The following IGF1R variants were observed in gnomAD, a reference collection of about 807,000 sequenced individuals.
IGF1R encodes insulin like growth factor 1 receptor, also known as insulin-like growth factor 1 receptor.
Under a neutral mutation model 144.6 loss-of-function variants are expected in IGF1R, and 44 were observed. The observed-to-expected ratio is 0.30, with a 90% CI of 0.24 to 0.39. The LOEUF (loss-of-function observed/expected upper bound fraction) is 0.39, where lower values mean the gene tolerates loss of function less well. Ranked by LOEUF, IGF1R falls within the 10% of genes least tolerant of loss-of-function variation. The pLI is 1.00. For synonymous variants in IGF1R, 795 were observed against 722.8 expected, an observed-to-expected ratio of 1.10 and a Z score of -1.60; for missense variants, 1,355 against 1,833.7, an observed-to-expected ratio of 0.74 and a Z score of 4.77.
intron 2 of IGF1R, among the ~76,000 whole-genome samples, chr15:98,841,901 C>G (rs2141532838): frequency 6.6e-6 from 1 of 152,324 alleles, no homozygotes; most frequent in Non-Finnish European, 1.5e-5. Flanking sequence ...AAAGGGGCTT[C>G]TACACTGTTG....
intron 1 of IGF1R, among the ~76,000 whole-genome samples, chr15:98,650,174 C>T (rs1297860753): frequency 6.6e-6 from 1 of 152,080 alleles, no homozygotes; most frequent in Non-Finnish European, 1.5e-5. Context: ...GCCCGGCCCG[C>T]GGGGTGCGAG....
chr15:98,875,349 C>CTTTTTTTTTT (rs34303390), intron 2 of IGF1R, among the ~76,000 whole-genome samples: 7 of 130,182 alleles, frequency 5.4e-5, no homozygotes, highest in African/African-American at 8.6e-5. Flanking sequence ...CTTTTCTTTT[C>CTTTTTTTTTT]TTTTTTTTTT....
intron 10 of IGF1R, among the ~76,000 whole-genome samples, chr15:98,921,500 G>A (rs2015484754): frequency 6.6e-6 from 1 of 152,158 alleles, no homozygotes; most frequent in African/African-American, 2.4e-5. Flanking sequence ...CTGCTGAGTG[G>A]GAGGAAGCCT....
chr15:98,928,183 G>A (rs558797386), intron 13 of IGF1R, among the ~76,000 whole-genome samples: 4 of 152,174 alleles, frequency 2.6e-5, no homozygotes, highest in African/African-American at 7.2e-5. Context: ...CAGGTCACTC[G>A]CCTTGGGGGG....
intron 2 of IGF1R, among the ~76,000 whole-genome samples, chr15:98,882,407 CTTTG>C: frequency 6.6e-6 from 1 of 152,340 alleles, no homozygotes; most frequent in East Asian, 1.9e-4. Context: ...CTCCCTTGGA[CTTTG>C]TTTGAAGAGT....
chr15:98,911,290 C>T (rs1385895043), intron 6 of IGF1R, 25 bp from the exon 7 acceptor site: 2 of 1,614,048 alleles, frequency 1.2e-6, no homozygotes, highest in Admixed American at 1.7e-5. Flanking sequence ...ATCTCTGTCA[C>T]TCACGGATGT....
chr15:98,814,705 C>CT (rs1158065798), intron 2 of IGF1R, among the ~76,000 whole-genome samples: 1 of 152,100 alleles, frequency 6.6e-6, no homozygotes, highest in Non-Finnish European at 1.5e-5. Context: ...TTTCAGAGAG[C>CT]TTATTAGTGT....
chr15:98,910,044 G>A (rs3825956), intron 6 of IGF1R, among the ~76,000 whole-genome samples: 47,308 of 151,878 alleles, frequency 0.31, 8,246 homozygotes, highest in African/African-American at 0.45. Context: ...ACACATGCAG[G>A]GAGGCAAATC....
intron 2 of IGF1R, among the ~76,000 whole-genome samples, chr15:98,845,644 G>C (rs1305181962): frequency 2.7e-5 from 4 of 149,918 alleles, no homozygotes. Flanking sequence ...GCGGCACTTT[G>C]TTTGCAGTTG....
intron 13 of IGF1R, among the ~76,000 whole-genome samples, chr15:98,928,084 A>C (rs2015792927): frequency 1.3e-5 from 2 of 151,972 alleles, no homozygotes; most frequent in South Asian, 4.1e-4. Flanking sequence ...CCCCTTTTTC[A>C]TTCCAACCCA....
intron 1 of IGF1R, among the ~76,000 whole-genome samples, chr15:98,662,795 C>T: frequency 6.6e-6 from 1 of 152,160 alleles, no homozygotes; most frequent in South Asian, 2.1e-4. Flanking sequence ...TCCAAGGAGG[C>T]AGCTCCCCAG....
At chr15:98,877,080 A>G (rs1362639474) in intron 2 of IGF1R, among the ~76,000 whole-genome samples, 3 of 152,224 alleles carry the variant, frequency 2.0e-5, no homozygotes, top group Non-Finnish European at 2.9e-5. Context: ...CTGGAAAGAT[A>G]AGAAATAAAC....
intron 2 of IGF1R, among the ~76,000 whole-genome samples, chr15:98,736,278 C>G (rs2054606407): frequency 6.6e-6 from 1 of 152,172 alleles, no homozygotes; most frequent in Non-Finnish European, 1.5e-5. Flanking sequence ...TGCATCTCAG[C>G]AAGAAAGGTT....
In IGF1R at chr15:98,923,868, T is replaced by C; in HGVS notation, c.2486-8T>C. 6.2e-7 allele frequency: 1 copy of C among 1,613,494 alleles called. No individual in the cohort carries two copies. Among genetic ancestry groups the C allele is most frequent in the Non-Finnish European group, 8.5e-7 (1 of 1,179,468 alleles). On this transcript the variant is annotated splice_region_variant and splice_polypyrimidine_tract_variant and intron_variant, in intron 11 of 20. Transcript: ENST00000650285. ...AATCCAACTTTGTCACCTGTTTAAA[T>C]TGTACAGAAGGAGCAGATGACATTC...
chr15:98,726,759 AC>A (rs1464992636), intron 2 of IGF1R, among the ~76,000 whole-genome samples: 1 of 122,100 alleles, frequency 8.2e-6, no homozygotes, highest in Non-Finnish European at 1.6e-5. Context: ...TGCTCTTGTC[AC>A]CCCGGCTGGA....
chr15:98,856,173 A>C (rs538362809), intron 2 of IGF1R, among the ~76,000 whole-genome samples: 4 of 152,370 alleles, frequency 2.6e-5, no homozygotes, highest in African/African-American at 7.2e-5. Context: ...CCTGCAGGGC[A>C]GGTGCTCAAC....
chr15:98,905,945 G>C (rs2014711684), intron 5 of IGF1R, among the ~76,000 whole-genome samples: 1 of 152,192 alleles, frequency 6.6e-6, no homozygotes, highest in African/African-American at 2.4e-5. Flanking sequence ...TTGACAGGCA[G>C]CTCATGAATG....
chr15:98,747,318 T>C (rs2054893385), intron 2 of IGF1R, among the ~76,000 whole-genome samples: 2 of 152,100 alleles, frequency 1.3e-5, no homozygotes, highest in Non-Finnish European at 2.9e-5. Context: ...TGCCTCAGCC[T>C]CCTGAGTACC....
intron 1 of IGF1R, among the ~76,000 whole-genome samples, chr15:98,665,391 G>T (rs2141185293): frequency 6.6e-6 from 1 of 152,226 alleles, no homozygotes; most frequent in Non-Finnish European, 1.5e-5. Context: ...CCAGTAAGTG[G>T]GTCATTTGGA....
Sources: allele counts gnomAD v4.1 joint callset (sites outside exome capture counted in the v4.1 genomes callset), GRCh38; gene constraint gnomAD v4.1.1; transcripts MANE v1.5; gene names NCBI Gene and HGNC (gene_info 2026-07-23, HGNC 2026-07-21).